Variants in CFAP20DC observed in about 807,000 individuals in gnomAD.
The protein encoded by CFAP20DC is protein CFAP20DC.
Under a neutral mutation model 101.7 loss-of-function variants are expected in CFAP20DC, and 84 were observed. That is an observed-to-expected ratio of 0.83 (90% CI 0.69 to 0.99). CFAP20DC has a LOEUF of 0.99. Among genes scored for constraint, CFAP20DC ranks in the 50% least tolerant of loss-of-function variants. CFAP20DC has a pLI of 0.00. For synonymous variants in CFAP20DC, 359 were observed against 351.2 expected (o/e 1.02, Z -0.25); for missense variants, 1,007 against 970.3 (o/e 1.04, Z -0.50).
At chr3:58,822,295 T>C (rs537505448) in intron 14 of CFAP20DC, among the ~76,000 whole-genome samples, 3 of 120,382 alleles carry the variant, frequency 2.5e-5, no homozygotes, top group East Asian at 2.2e-4. Context: ...TAAAGTATAA[T>C]AAAAAAAAAT....
At chr3:58,862,450 C>T in intron 12 of CFAP20DC, 2 of 985,284 alleles carry the variant, frequency 2.0e-6, no homozygotes, top group Non-Finnish European at 2.4e-6. Flanking sequence ...AAAGGATTTG[C>T]AGTAGGTTAT....
chr3:58,947,239 T>C (rs2089486781), intron 4 of CFAP20DC, among the ~76,000 whole-genome samples: 1 of 152,110 alleles, frequency 6.6e-6, no homozygotes, highest in Admixed American at 6.5e-5. Context: ...AAAAAAAAGA[T>C]ATAAGACCAG....
intron 14 of CFAP20DC, among the ~76,000 whole-genome samples, chr3:58,826,340 T>C (rs926948091): frequency 1.3e-5 from 2 of 152,148 alleles, no homozygotes; most frequent in Non-Finnish European, 2.9e-5. Context: ...TTGGGATACA[T>C]GGGCAGAATG....
At chr3:58,742,702 G>C (rs1336834901) in intron 16 of CFAP20DC, 130 bp from the exon 17 acceptor site, 4 of 511,458 alleles carry the variant, frequency 7.8e-6, no homozygotes, top group Non-Finnish European at 1.3e-5. Context: ...GTTTAGGCCT[G>C]AAGGAAGAGC....
chr3:59,001,089 T>G lies in CFAP20DC; in HGVS notation c.278+38468A>C, dbSNP rs2093296477. On this transcript the variant is annotated intron_variant, in intron 4 of 16. Coordinates refer to ENST00000482387, the MANE Select transcript of CFAP20DC (RefSeq NM_001394063.1). The surrounding 1 kb of genome is among the most constrained non-coding windows in gnomAD (Gnocchi z 4.5). The stretch of plus-strand genomic sequence containing the variant: ...AGGGTGCATATTGGAATTACAGCAG[T>G]AAGAGTTAGTAAAGAGAGCAAATTC... 6.6e-6 allele frequency among the ~76,000 whole-genome samples: 1 copy of G among 152,020 alleles called. No individual in the cohort carries two copies. The highest frequency in any genetic ancestry group is 1.5e-5 in the Non-Finnish European group (1 of 67,992).
chr3:58,890,749 G>T (rs1249457669), intron 6 of CFAP20DC, among the ~76,000 whole-genome samples: 1 of 149,856 alleles, frequency 6.7e-6, no homozygotes, highest in African/African-American at 2.5e-5. Flanking sequence ...CCCAGACGGG[G>T]TTGCGGCCGG....
At chr3:58,791,995 G>A (rs2072899454) in intron 15 of CFAP20DC, among the ~76,000 whole-genome samples, 1 of 152,170 alleles carries the variant, frequency 6.6e-6, no homozygotes, top group Admixed American at 6.5e-5. Flanking sequence ...GGAATCTGGA[G>A]AGCTGGGAAT....
chr3:58,791,194 AT>A (rs201284712), intron 15 of CFAP20DC, among the ~76,000 whole-genome samples: 3,158 of 152,008 alleles, frequency 0.021, 117 homozygotes, highest in African/African-American at 0.071. Context: ...TTAAAGTATG[AT>A]TTTTTTTGAA....
At chr3:58,885,104 T>C (rs1184545179) in intron 6 of CFAP20DC, among the ~76,000 whole-genome samples, 1 of 152,156 alleles carries the variant, frequency 6.6e-6, no homozygotes, top group Non-Finnish European at 1.5e-5. Flanking sequence ...ACAAAGATAT[T>C]GAATAACCTA....
chr3:58,842,436 C>A (rs1024824397), intron 13 of CFAP20DC, among the ~76,000 whole-genome samples: 2 of 152,096 alleles, frequency 1.3e-5, no homozygotes, highest in Non-Finnish European at 2.9e-5. Flanking sequence ...CACTCCCACC[C>A]GAATATTGCG....
rs946391347 is a variant in CFAP20DC, at chr3:58,863,501, A to T, written c.1593+57T>A. 3 of 1,594,754 alleles carry T rather than the reference A, an allele frequency of 1.9e-6. No individual in the cohort carries two copies. The highest frequency in any genetic ancestry group is 2.6e-6 in the Non-Finnish European group (3 of 1,171,452). Reference sequence around the variant, plus strand: ...TTCATTTCAACTTGTTTTAGTGCTTATTGGAGCTAAGGAAACAACTGTGCT... The same window carrying T: ...TTCATTTCAACTTGTTTTAGTGCTTTTTGGAGCTAAGGAAACAACTGTGCT... On this transcript the variant is annotated intron_variant, in intron 12 of 16. Transcript: ENST00000482387. The surrounding 1 kb of genome is among the most constrained non-coding windows in gnomAD (Gnocchi z 5.9).
chr3:58,766,100 A>G lies in CFAP20DC; in HGVS notation c.2238-12237T>C, dbSNP rs970859817. 3.3e-5 allele frequency among the ~76,000 whole-genome samples: 5 copies of G among 152,236 alleles called. No individual in the cohort carries two copies. The East Asian group carries it at 7.7e-4, about 23-fold the overall frequency. On this transcript the variant is annotated intron_variant, in intron 15 of 16. Coordinates refer to ENST00000482387, the MANE Select transcript of CFAP20DC (RefSeq NM_001394063.1). ...AAGTAGTGAAAAATCCATGCTTTGC[A>G]AAGTTTTTCTGTAAAGGGCCAGATA...
intron 13 of CFAP20DC, among the ~76,000 whole-genome samples, chr3:58,842,294 G>A (rs1357385922): frequency 3.3e-5 from 5 of 152,212 alleles, no homozygotes; most frequent in African/African-American, 1.2e-4. Flanking sequence ...GTGGGCGCAG[G>A]CCAGTGGGTG....
intron 4 of CFAP20DC, among the ~76,000 whole-genome samples, chr3:58,946,523 A>C (rs1461070264): frequency 1.3e-5 from 2 of 152,194 alleles, no homozygotes; most frequent in Non-Finnish European, 2.9e-5. Flanking sequence ...CTATGGAATA[A>C]AGTCCAAGTT....
At chr3:58,961,571 A>C (rs2091140749) in intron 4 of CFAP20DC, among the ~76,000 whole-genome samples, 1 of 152,106 alleles carries the variant, frequency 6.6e-6, no homozygotes, top group South Asian at 2.1e-4. Context: ...AAAAACAAAA[A>C]CAAAAACTGT....
intron 15 of CFAP20DC, among the ~76,000 whole-genome samples, chr3:58,778,105 C>T (rs1397246657): frequency 6.6e-6 from 1 of 152,150 alleles, no homozygotes; most frequent in Non-Finnish European, 1.5e-5. Flanking sequence ...TTCCAGCTGC[C>T]ATCCTAATGG....
intron 13 of CFAP20DC, among the ~76,000 whole-genome samples, chr3:58,848,749 A>G (rs546372787): frequency 6.6e-6 from 1 of 152,310 alleles, no homozygotes; most frequent in Non-Finnish European, 1.5e-5. Flanking sequence ...AGTGATAACT[A>G]CAAATTATGG....
chr3:58,942,038 A>G (rs2088681372), intron 4 of CFAP20DC, among the ~76,000 whole-genome samples: 1 of 152,180 alleles, frequency 6.6e-6, no homozygotes, highest in Non-Finnish European at 1.5e-5. Context: ...GTTGTTTTCC[A>G]TTCTACTTTT....
chr3:58,816,701 C>T (rs190092095), intron 14 of CFAP20DC, among the ~76,000 whole-genome samples: 3,788 of 152,214 alleles, frequency 0.025, 146 homozygotes, highest in African/African-American at 0.086. Context: ...AAGGTGGAAG[C>T]GAGGCTGGGG....
Sources: allele counts gnomAD v4.1 joint callset (sites outside exome capture counted in the v4.1 genomes callset), GRCh38; gene constraint gnomAD v4.1.1; non-coding constraint Gnocchi (gnomAD v3.1); transcripts MANE v1.5; gene names NCBI Gene and HGNC (gene_info 2026-07-23, HGNC 2026-07-21).